AP3B1: variants seen among roughly 807,000 people sequenced by gnomAD.
AP3B1 encodes the protein adaptor related protein complex 3 subunit beta 1, also known as AP-3 complex subunit beta-1.
AP3B1 carries 61 observed loss-of-function variants against 132.5 expected under a neutral mutation model. The ratio of observed to expected loss-of-function variants is 0.46; its 90% CI spans 0.37 to 0.57. AP3B1 has a LOEUF of 0.57. Among genes scored for constraint, AP3B1 ranks in the 20% least tolerant of loss-of-function variants. AP3B1 has a pLI of 0.00. For missense variants in AP3B1, 1,120 were observed against 1,289.4 expected (o/e 0.87, Z 2.01); for synonymous variants, 388 against 438.3 (o/e 0.89, Z 1.43).
intron 21 of AP3B1, among the ~76,000 whole-genome samples, chr5:78,093,040 G>C (rs1489413858): frequency 6.6e-6 from 1 of 152,158 alleles, no homozygotes; most frequent in Non-Finnish European, 1.5e-5. Flanking sequence ...CAGTTACAGA[G>C]ATATTGAAAA....
intron 22 of AP3B1, among the ~76,000 whole-genome samples, chr5:78,081,824 G>C (rs1173467374): frequency 1.3e-5 from 2 of 151,764 alleles, no homozygotes; most frequent in East Asian, 3.9e-4. Context: ...TAAGTTCTGA[G>C]GAACAGAAAA....
intron 3 of AP3B1, among the ~76,000 whole-genome samples, chr5:78,235,659 T>C (rs1415412986): frequency 1.3e-5 from 2 of 152,238 alleles, no homozygotes; most frequent in Non-Finnish European, 2.9e-5. Context: ...CGTGACTACA[T>C]CATTCTCTGA....
At chr5:78,005,445 G>A (rs1024182492) in intron 26 of AP3B1, among the ~76,000 whole-genome samples, 2 of 152,162 alleles carry the variant, frequency 1.3e-5, no homozygotes, top group Admixed American at 1.3e-4. Context: ...TCAGTATGTT[G>A]ACAGAAATTA....
intron 7 of AP3B1, among the ~76,000 whole-genome samples, chr5:78,203,185 A>T (rs1464224794): frequency 6.6e-6 from 1 of 152,038 alleles, no homozygotes; most frequent in Admixed American, 6.6e-5. Context: ...TGAAAATGTG[A>T]TCTTTATGTG....
chr5:78,191,354 CAAAAAAAAA>C (rs34733864), intron 7 of AP3B1, among the ~76,000 whole-genome samples: 1,291 of 72,932 alleles, frequency 0.018, 26 homozygotes, highest in African/African-American at 0.049. Context: ...TGCTTTTCCC[CAAAAAAAAA>C]AAAAAAAAAA....
chr5:78,141,973 C>A (rs1206287143), intron 14 of AP3B1, among the ~76,000 whole-genome samples: 1 of 152,112 alleles, frequency 6.6e-6, no homozygotes, highest in Non-Finnish European at 1.5e-5. Flanking sequence ...AGAAACAGAT[C>A]AATTAGGTAC....
At chr5:78,062,283 A>T (rs1749091720) in intron 22 of AP3B1, among the ~76,000 whole-genome samples, 1 of 152,312 alleles carries the variant, frequency 6.6e-6, no homozygotes, top group East Asian at 1.9e-4. Context: ...TGGAGACAAC[A>T]TTGTTAACTC....
At chr5:78,048,218 T>C (rs1748423448) in intron 22 of AP3B1, among the ~76,000 whole-genome samples, 1 of 152,278 alleles carries the variant, frequency 6.6e-6, no homozygotes, top group Non-Finnish European at 1.5e-5. Context: ...AATGTTCTGA[T>C]AGCCGACAAC....
intron 1 of AP3B1, among the ~76,000 whole-genome samples, chr5:78,275,392 T>G (rs1047279619): frequency 3.3e-5 from 5 of 152,226 alleles, no homozygotes; most frequent in Non-Finnish European, 7.3e-5. Context: ...ATATGCAATT[T>G]ATACAGATTC....
chr5:78,192,289 T>C (rs1744874123), intron 7 of AP3B1, among the ~76,000 whole-genome samples: 1 of 152,118 alleles, frequency 6.6e-6, no homozygotes, highest in African/African-American at 2.4e-5. Context: ...ATTTGGCAGA[T>C]GTAATTTTAA....
intron 22 of AP3B1, among the ~76,000 whole-genome samples, chr5:78,082,829 T>C (rs1290227057): frequency 6.6e-6 from 1 of 152,118 alleles, no homozygotes; most frequent in Non-Finnish European, 1.5e-5. Flanking sequence ...CCCTTTTTTT[T>C]TTTTAGACGG....
intron 1 of AP3B1, among the ~76,000 whole-genome samples, chr5:78,283,252 T>C (rs566919740): frequency 6.6e-6 from 1 of 152,282 alleles, no homozygotes; most frequent in African/African-American, 2.4e-5. Flanking sequence ...GTGCCACATT[T>C]TGACACCCAG....
intron 2 of AP3B1, among the ~76,000 whole-genome samples, chr5:78,252,602 G>A (rs1747686182): frequency 6.6e-6 from 1 of 152,192 alleles, no homozygotes; most frequent in African/African-American, 2.4e-5. Context: ...TGTGGCCTGG[G>A]GTGGTGGTGG....
chr5:78,183,592 G>C (rs1469169313), intron 7 of AP3B1, among the ~76,000 whole-genome samples: 1 of 152,174 alleles, frequency 6.6e-6, no homozygotes, highest in Non-Finnish European at 1.5e-5. Flanking sequence ...AGTCTAGACT[G>C]GGTGCAGTGA....
chr5:78,248,552 A>G (rs1349375654), intron 2 of AP3B1, among the ~76,000 whole-genome samples: 1 of 151,148 alleles, frequency 6.6e-6, no homozygotes, highest in African/African-American at 2.4e-5. Flanking sequence ...AACCATATAG[A>G]CTCTTTTATT....
chr5:78,220,698 A>G (rs1746140382), intron 6 of AP3B1, among the ~76,000 whole-genome samples: 1 of 151,496 alleles, frequency 6.6e-6, no homozygotes. Context: ...ATTAGCTTAA[A>G]AAAAAAAAAA....
chr5:78,284,206 A>G (rs780855480), intron 1 of AP3B1, among the ~76,000 whole-genome samples: 2 of 152,248 alleles, frequency 1.3e-5, no homozygotes, highest in African/African-American at 4.8e-5. Flanking sequence ...TTAAATTTAA[A>G]TAGCTACATT....
intron 7 of AP3B1, among the ~76,000 whole-genome samples, chr5:78,181,884 T>C (rs1428953856): frequency 1.3e-5 from 2 of 152,318 alleles, no homozygotes; most frequent in Middle Eastern, 3.4e-3. Flanking sequence ...GATGTGCTTC[T>C]ATTGTATTAC....
chr5:78,232,510 G>C (rs1490003666), intron 3 of AP3B1, among the ~76,000 whole-genome samples: 1 of 152,156 alleles, frequency 6.6e-6, no homozygotes, highest in African/African-American at 2.4e-5. Flanking sequence ...AATCCCTGAA[G>C]ACTGCCCTTC....
Sources: allele counts gnomAD v4.1 joint callset (sites outside exome capture counted in the v4.1 genomes callset), GRCh38; gene constraint gnomAD v4.1.1; transcripts MANE v1.5; gene names NCBI Gene and HGNC (gene_info 2026-07-23, HGNC 2026-07-21).